Variants in RAPGEF5 observed in about 807,000 individuals in gnomAD.
RAPGEF5 encodes the protein M-Ras-regulated GEF.
Under a neutral mutation model 125.2 loss-of-function variants are expected in RAPGEF5, and 65 were observed. The ratio of observed to expected loss-of-function variants is 0.52; its 90% CI spans 0.43 to 0.64. RAPGEF5 has a LOEUF of 0.64. RAPGEF5 is among the 30% of genes least tolerant of loss of function. The probability of loss-of-function intolerance (pLI) is 0.00; values close to 1 mark genes in which losing one functional copy is unlikely to be tolerated. For synonymous variants in RAPGEF5, 391 were observed against 385.9 expected (o/e 1.01, Z -0.16); for missense variants, 958 against 1,048.1 (o/e 0.91, Z 1.19).
intron 9 of RAPGEF5, among the ~76,000 whole-genome samples, chr7:22,211,162 T>C (rs1406864942): frequency 6.6e-6 from 1 of 152,210 alleles, no homozygotes; most frequent in African/African-American, 2.4e-5. Context: ...AGATGGAATT[T>C]TTCCTTTCCA....
At chr7:22,156,777 C>A in intron 16 of RAPGEF5, 33 bp downstream of exon 16, 1 of 1,611,266 alleles carries the variant, frequency 6.2e-7, no homozygotes, top group South Asian at 1.1e-5. Context: ...AACTGCTGCC[C>A]ACCCCCAAAC....
chr7:22,203,593 T>C (rs1785328832), intron 9 of RAPGEF5, among the ~76,000 whole-genome samples: 1 of 152,256 alleles, frequency 6.6e-6, no homozygotes, highest in Non-Finnish European at 1.5e-5. Context: ...CACTGCTTTC[T>C]GCTGCTCCTT....
Position 22,136,125 on chromosome 7 carries a change from C to T in RAPGEF5, c.2329G>A (p.Asp777Asn), listed in dbSNP as rs753293744. ...KLFSELESLT[D>N]PSLNHKAYRD... ...TAGGCTTTGTGATTTAGGGAAGGAT[C>T]CTGCCGAACCAAGCAGATTACAAAG... The change falls in exon 23 of 26, where the codon GAT becomes AAT. Residue 777 changes from aspartate to asparagine, a missense_variant and splice_region_variant. Coordinates refer to ENST00000665637, the MANE Select transcript of RAPGEF5 (RefSeq NM_012294.5). 5 of 1,600,960 alleles carry T rather than the reference C, an allele frequency of 3.1e-6. No individual in the cohort carries two copies. In the East Asian group the frequency reaches 6.7e-5, roughly 21 times the overall value.
At chr7:22,243,942 A>C (rs937401906) in intron 7 of RAPGEF5, among the ~76,000 whole-genome samples, 1 of 152,096 alleles carries the variant, frequency 6.6e-6, no homozygotes, top group Non-Finnish European at 1.5e-5. Flanking sequence ...TCCTACTGCT[A>C]CCCGCCAAGC....
intron 8 of RAPGEF5, among the ~76,000 whole-genome samples, chr7:22,224,058 G>C (rs1306107792): frequency 6.6e-6 from 1 of 152,156 alleles, no homozygotes; most frequent in Admixed American, 6.5e-5. Context: ...CAAACAGTAG[G>C]CTGTGGTTTG....
chr7:22,317,804 T>A (rs1048348499), intron 2 of RAPGEF5, among the ~76,000 whole-genome samples, 183 bp downstream of exon 2: 1 of 152,162 alleles, frequency 6.6e-6, no homozygotes, highest in African/African-American at 2.4e-5. Flanking sequence ...ATGACAATGA[T>A]CAGAGCATCT....
intron 6 of RAPGEF5, among the ~76,000 whole-genome samples, chr7:22,268,538 C>A (rs552769289): frequency 6.6e-6 from 1 of 152,096 alleles, no homozygotes. Context: ...TTAGGATTTT[C>A]TTCATTCACA....
chr7:22,165,545 T>C (rs965731022), intron 12 of RAPGEF5, among the ~76,000 whole-genome samples: 2 of 152,208 alleles, frequency 1.3e-5, no homozygotes, highest in African/African-American at 4.8e-5. Flanking sequence ...TTATTGAAAC[T>C]TTCCAAATTC....
At chr7:22,179,162 T>C (rs778000499) in intron 11 of RAPGEF5, among the ~76,000 whole-genome samples, 30 of 152,140 alleles carry the variant, frequency 2.0e-4, no homozygotes, top group Non-Finnish European at 3.4e-4. Flanking sequence ...TTATATACAA[T>C]TAGATACTAA....
intron 8 of RAPGEF5, among the ~76,000 whole-genome samples, chr7:22,227,948 T>C (rs1321546907): frequency 1.3e-5 from 2 of 152,228 alleles, no homozygotes; most frequent in Non-Finnish European, 2.9e-5. Context: ...TCTTAAATCC[T>C]TTTATCCTAT....
At chr7:22,325,586 G>A (rs887104858) in intron 1 of RAPGEF5, among the ~76,000 whole-genome samples, 2 of 152,128 alleles carry the variant, frequency 1.3e-5, no homozygotes, top group Admixed American at 1.3e-4. Flanking sequence ...ATTTTTTAAA[G>A]ACAGGGTCTT....
chr7:22,222,783 A>G (rs564173331), intron 8 of RAPGEF5, among the ~76,000 whole-genome samples: 43 of 152,302 alleles, frequency 2.8e-4, no homozygotes, highest in African/African-American at 9.1e-4. Context: ...GACTGGGGGA[A>G]GTAGTTGATG....
intron 11 of RAPGEF5, among the ~76,000 whole-genome samples, chr7:22,172,077 A>C (rs1277758877): frequency 2.0e-5 from 3 of 152,154 alleles, no homozygotes. Context: ...AATTAGCTAT[A>C]CTGATGTCAT....
At chr7:22,334,204 G>C (rs2128158304) in intron 1 of RAPGEF5, among the ~76,000 whole-genome samples, 1 of 152,254 alleles carries the variant, frequency 6.6e-6, no homozygotes, top group South Asian at 2.1e-4. Flanking sequence ...CTGACAGATG[G>C]GTTTGTCTAC....
chr7:22,194,639 C>T, intron 9 of RAPGEF5: 1 of 984,902 alleles, frequency 1.0e-6, no homozygotes. Flanking sequence ...CTAGTTTTGC[C>T]AGAATATAAG....
At chr7:22,293,500 A>G (rs1273228975) in intron 5 of RAPGEF5, among the ~76,000 whole-genome samples, 1 of 151,920 alleles carries the variant, frequency 6.6e-6, no homozygotes, top group East Asian at 1.9e-4. Flanking sequence ...AATTATTTTA[A>G]CCACCTTCTG....
intron 10 of RAPGEF5, 41 bp from the exon 11 acceptor site, chr7:22,193,496 A>C: frequency 1.9e-6 from 3 of 1,562,282 alleles, no homozygotes; most frequent in Non-Finnish European, 1.7e-6. Context: ...TCCTCGGTGG[A>C]AGACTGCGAG....
intron 7 of RAPGEF5, among the ~76,000 whole-genome samples, chr7:22,259,501 T>C (rs1782093062): frequency 6.6e-6 from 1 of 152,232 alleles, no homozygotes; most frequent in African/African-American, 2.4e-5. Flanking sequence ...ATCAAACTCC[T>C]TGGTACTTAC....
chr7:22,311,001 C>T (rs1436375672), intron 3 of RAPGEF5, among the ~76,000 whole-genome samples: 1 of 152,136 alleles, frequency 6.6e-6, no homozygotes, highest in Non-Finnish European at 1.5e-5. Context: ...CATCAAATTT[C>T]ACTCTCCCTT....
Sources: allele counts gnomAD v4.1 joint callset (sites outside exome capture counted in the v4.1 genomes callset), GRCh38; gene constraint gnomAD v4.1.1; transcripts MANE v1.5; gene names NCBI Gene and HGNC (gene_info 2026-07-23, HGNC 2026-07-21).